CAPN2: variants seen among roughly 807,000 people sequenced by gnomAD.
CAPN2 encodes calpain-2 catalytic subunit.
Under a neutral mutation model 102.3 loss-of-function variants are expected in CAPN2, and 92 were observed. That is an observed-to-expected ratio of 0.90 (90% CI 0.76 to 1.07). The LOEUF is 1.07. CAPN2 is among the 50% of genes least tolerant of loss of function. The probability of loss-of-function intolerance (pLI) is 0.00; values close to 1 mark genes in which losing one functional copy is unlikely to be tolerated. For missense variants in CAPN2, 800 were observed against 909.4 expected, an observed-to-expected ratio of 0.88 and a Z score of 1.55; for synonymous variants, 340 against 355.4, an observed-to-expected ratio of 0.96 and a Z score of 0.49.
intron 2 of CAPN2, among the ~76,000 whole-genome samples, chr1:223,735,010 A>G (rs1660414817): frequency 6.6e-6 from 1 of 152,110 alleles, no homozygotes; most frequent in African/African-American, 2.4e-5. Flanking sequence ...AGAAAACAGC[A>G]TGTGTTTGCA....
chr1:223,766,542 A>C (rs1289541019), intron 16 of CAPN2, 111 bp downstream of exon 16: 1 of 862,550 alleles, frequency 1.2e-6, no homozygotes, highest in Non-Finnish European at 1.9e-6. Flanking sequence ...GTTGTTCCCA[A>C]CTTGCTGAGT....
intron 16 of CAPN2, 84 bp from the exon 17 acceptor site, chr1:223,769,757 C>G: frequency 9.9e-7 from 1 of 1,006,152 alleles, no homozygotes. Flanking sequence ...CTATGATATT[C>G]AAAAGATCCA....
intron 12 of CAPN2, among the ~76,000 whole-genome samples, chr1:223,760,472 T>C (rs1378631737): frequency 6.6e-6 from 1 of 152,160 alleles, no homozygotes; most frequent in Non-Finnish European, 1.5e-5. Flanking sequence ...TGCATACCAA[T>C]GAATGCCACC....
In CAPN2 at chr1:223,757,844, TG is replaced by T. The variant is rs1326139020; in HGVS notation, c.1317+465del. On this transcript the variant is annotated intron_variant, in intron 11 of 20. Coordinates refer to ENST00000295006, the MANE Select transcript of CAPN2 (RefSeq NM_001748.5). Reference sequence around the variant, plus strand: ...AGCTCCTCTCTGCATTTCAGGGTTTTGTTTTTTTTTTTTTTGATTTTTGGTT... The same window carrying T: ...AGCTCCTCTCTGCATTTCAGGGTTTTTTTTTTTTTTTTTTGATTTTTGGTT... 606 of 150,068 alleles carry T rather than the reference TG, an allele frequency of 4.0e-3. 2 individuals are homozygous for T. Among genetic ancestry groups the T allele is most frequent in the African/African-American group, 0.022 (586 of 27,236 alleles). 9.3% of individuals were successfully genotyped at this position (150,068 alleles called of 1,614,324 possible). A position where few individuals can be genotyped will look rare whatever the true frequency, so the allele number is the denominator to read the frequency against.
intron 2 of CAPN2, among the ~76,000 whole-genome samples, chr1:223,728,634 C>T (rs1239682341): frequency 2.6e-5 from 4 of 152,216 alleles, no homozygotes; most frequent in African/African-American, 4.8e-5. Context: ...GAAGACACCA[C>T]GATTCCTCCC....
At chr1:223,764,547 A>T (rs1661266609) in intron 15 of CAPN2, among the ~76,000 whole-genome samples, 1 of 152,154 alleles carries the variant, frequency 6.6e-6, no homozygotes, top group South Asian at 2.1e-4. Context: ...TCTACCTCCC[A>T]AATTCAAGCG....
Position 223,772,203 on chromosome 1 carries a change from C to T in CAPN2, c.2043C>T (p.Pro681=), listed in dbSNP as rs372396856. ...TLFKIFKQLD[P]ENTGTIELDL... ...CAGAGATATTTAAGCAGCTGGATCC[C>T]GAGAATACTGGAACAATAGAGCTCG... Residue 681 remains proline (P), a synonymous_variant, in exon 20 of 21, where the codon CCC becomes CCT. Coordinates refer to ENST00000295006, the MANE Select transcript of CAPN2 (RefSeq NM_001748.5). The T allele has an allele frequency of 4.8e-5, 78 of 1,613,918 alleles. No individual in the cohort carries two copies. Among genetic ancestry groups the T allele is most frequent in the Admixed American group, 2.2e-4 (13 of 59,980 alleles).
chr1:223,750,720 C>T (rs886593958), intron 6 of CAPN2, among the ~76,000 whole-genome samples, 170 bp from the exon 7 acceptor site: 10 of 152,206 alleles, frequency 6.6e-5, no homozygotes, highest in African/African-American at 1.2e-4. Context: ...GTGCCAAGCC[C>T]CCTCTAGCTC....
At chr1:223,720,906 G>C (rs1487712452) in intron 2 of CAPN2, among the ~76,000 whole-genome samples, 1 of 152,086 alleles carries the variant, frequency 6.6e-6, no homozygotes, top group Non-Finnish European at 1.5e-5. Flanking sequence ...ATAGTGCTGT[G>C]CTGAGGAACC....
At chr1:223,743,618 A>G (rs1309057942) in intron 2 of CAPN2, among the ~76,000 whole-genome samples, 1 of 152,118 alleles carries the variant, frequency 6.6e-6, no homozygotes, top group African/African-American at 2.4e-5. Context: ...CAGCCTCCCA[A>G]GTATTCGTAT....
At position 223,759,552 on chromosome 1, in the gene CAPN2, A is replaced by C; in HGVS notation, c.1529+71A>C. The C allele has an allele frequency of 7.6e-7, 1 of 1,309,226 alleles. No individual in the cohort carries two copies. Among genetic ancestry groups the C allele is most frequent in the Non-Finnish European group, 1.1e-6 (1 of 921,854 alleles). The allele number at this position is 1,309,226 out of a possible 1,614,324, so 81.1% of individuals were successfully genotyped here. The stretch of plus-strand genomic sequence containing the variant: ...CCCACTGGTCTGTTCCTCGGCCCCT[A>C]GAGGGCTCTTTCATCCTCTGAATGT... On this transcript the variant is annotated intron_variant, in intron 12 of 20. Transcript: ENST00000295006. This position sits in a 1 kb window ranked among gnomAD's most constrained non-coding sequence, Gnocchi z 4.6.
intron 1 of CAPN2, among the ~76,000 whole-genome samples, chr1:223,702,036 A>AGGGC (rs1558374710): frequency 1.9e-5 from 1 of 52,750 alleles, no homozygotes; most frequent in East Asian, 6.4e-4. Context: ...GAAGGAAGGG[A>AGGGC]GGGAGGGAGG....
chr1:223,773,203 T>C (rs1661527369), intron 20 of CAPN2: 1 of 152,254 alleles, frequency 6.6e-6, no homozygotes, highest in Non-Finnish European at 1.5e-5. Flanking sequence ...AAACTTTACA[T>C]ATCCTAGGAA....
At chr1:223,766,171 G>C (rs1428038821) in intron 15 of CAPN2, among the ~76,000 whole-genome samples, 196 bp from the exon 16 acceptor site, 1 of 152,224 alleles carries the variant, frequency 6.6e-6, no homozygotes, top group Non-Finnish European at 1.5e-5. Context: ...CAAATATACA[G>C]AGACATCAGG....
chr1:223,739,055 A>T (rs1660540808), intron 2 of CAPN2, among the ~76,000 whole-genome samples: 1 of 152,212 alleles, frequency 6.6e-6, no homozygotes, highest in South Asian at 2.1e-4. Flanking sequence ...GCTGGAATGT[A>T]TCGGGCACTC....
At chr1:223,765,661 C>CA (rs35491815) in intron 15 of CAPN2, among the ~76,000 whole-genome samples, 82,523 of 151,988 alleles carry the variant, frequency 0.54, 23,118 homozygotes, top group African/African-American at 0.67. Context: ...TGGAGGGCTC[C>CA]ACACCAGAGT....
upstream of CAPN2, chr1:223,712,454 A>C: frequency 8.8e-7 from 1 of 1,130,516 alleles, no homozygotes. Flanking sequence ...CCGGGAGCCC[A>C]GCAGGCCGGG....
intron 1 of CAPN2, among the ~76,000 whole-genome samples, chr1:223,704,888 T>A (rs965860483): frequency 6.6e-6 from 1 of 152,152 alleles, no homozygotes; most frequent in African/African-American, 2.4e-5. Context: ...AGCCCCAACG[T>A]GAGTAGGTGA....
intron 15 of CAPN2, among the ~76,000 whole-genome samples, chr1:223,765,382 A>C (rs1325110383): frequency 6.6e-6 from 1 of 152,182 alleles, no homozygotes; most frequent in African/African-American, 2.4e-5. Context: ...GCCCTCCTCT[A>C]ATTTTCAGGG....
Sources: allele counts gnomAD v4.1 joint callset (sites outside exome capture counted in the v4.1 genomes callset), GRCh38; gene constraint gnomAD v4.1.1; non-coding constraint Gnocchi (gnomAD v3.1); transcripts MANE v1.5; gene names NCBI Gene and HGNC (gene_info 2026-07-23, HGNC 2026-07-21).